The following SIAE variants were observed in gnomAD, a reference collection of about 807,000 sequenced individuals.
SIAE encodes the protein sialic acid acetylesterase, also known as sialate O-acetylesterase.
Under a neutral mutation model 52.6 loss-of-function variants are expected in SIAE, and 39 were observed. The ratio of observed to expected loss-of-function variants is 0.74; its 90% CI spans 0.57 to 0.97. The LOEUF (loss-of-function observed/expected upper bound fraction) is 0.97, where lower values mean the gene tolerates loss of function less well. SIAE is among the 50% of genes least tolerant of loss of function. SIAE has a pLI of 0.00. For missense variants in SIAE, 592 were observed against 662.1 expected (o/e 0.89, Z 1.16); for synonymous variants, 233 against 241.4 (o/e 0.97, Z 0.32).
intron 2 of SIAE, among the ~76,000 whole-genome samples, chr11:124,667,492 G>A (rs1320742115): frequency 2.6e-5 from 4 of 152,324 alleles, no homozygotes; most frequent in Non-Finnish European, 5.9e-5. Context: ...GAATTTTGAA[G>A]AGACTGCATC....
chr11:124,654,685 C>T lies in SIAE; in HGVS notation c.514G>A (p.Val172Ile). 1 of 1,614,196 alleles carries T rather than the reference C, an allele frequency of 6.2e-7. No individual in the cohort carries two copies. Among genetic ancestry groups the T allele is most frequent in the Non-Finnish European group, 8.5e-7 (1 of 1,180,026 alleles). The change falls in exon 4 of 10, where the codon GTT (valine) becomes ATT (isoleucine). Residue 172 changes from valine to isoleucine, a missense_variant. Transcript: ENST00000263593. ...AEQELEDLVA[V>I]DLQWSKPTSE... ...GTGGGCTTAGACCACTGCAAGTCAA[C>T]CGCAACAAGGTCCTCCAGCTCCTGC...
chr11:124,647,227 T>C (rs1015586985), intron 7 of SIAE, 138 bp downstream of exon 7: 1 of 1,170,510 alleles, frequency 8.5e-7, no homozygotes, highest in Non-Finnish European at 1.2e-6. Flanking sequence ...ACCAGCACAT[T>C]ATGAGGACAA....
chr11:124,660,492 C>T (rs1943170060), intron 3 of SIAE, 136 bp downstream of exon 3: 3 of 816,212 alleles, frequency 3.7e-6, no homozygotes, highest in Non-Finnish European at 6.3e-6. Context: ...TCATTCAAAG[C>T]ATTTAGAACA....
At chr11:124,639,918 A>T (rs1351991706) in intron 7 of SIAE, 51 bp from the exon 8 acceptor site, 1 of 1,601,548 alleles carries the variant, frequency 6.2e-7, no homozygotes, top group South Asian at 1.1e-5. Context: ...CCCACACTGG[A>T]GTCTTTTTCA....
chr11:124,650,986 A>G (rs909223614), intron 4 of SIAE, among the ~76,000 whole-genome samples: 4 of 152,172 alleles, frequency 2.6e-5, no homozygotes, highest in Non-Finnish European at 1.5e-5. Flanking sequence ...ATTTCATGTT[A>G]GAAGAAAGCT....
At chr11:124,647,579 G>A (rs1942958403) in intron 6 of SIAE, 81 bp from the exon 7 acceptor site, 3 of 1,537,718 alleles carry the variant, frequency 2.0e-6, no homozygotes, top group Non-Finnish European at 8.9e-7. Flanking sequence ...CTCCATCCAT[G>A]CCCTGAGGTA....
upstream of SIAE, chr11:124,673,930 G>A (rs1943418509): frequency 1.0e-5 from 6 of 585,598 alleles, no homozygotes; most frequent in African/African-American, 1.9e-5. Context: ...GGAACCGGCG[G>A]CACCAGCTCG....
In SIAE at chr11:124,636,652, T is replaced by TA. The variant is rs1475098188; in HGVS notation, c.*298dup. 5 of 417,822 alleles carry TA rather than the reference T, an allele frequency of 1.2e-5. No individual in the cohort carries two copies. The highest frequency in any genetic ancestry group is 8.1e-5 in the African/African-American group (4 of 49,470). 25.9% of individuals were successfully genotyped at this position (417,822 alleles called of 1,614,324 possible). On this transcript the variant is annotated 3_prime_UTR_variant, in exon 10 of 10. Transcript: ENST00000263593. ...TCTGGATAAAAAGGGGCAAAAGTAT[T>TA]AGACATTTCACTCCCATTAATATGA...
At chr11:124,654,551 G>T in intron 4 of SIAE, 104 bp downstream of exon 4, 1 of 1,607,018 alleles carries the variant, frequency 6.2e-7, no homozygotes, top group Non-Finnish European at 8.5e-7. Context: ...TAAAAGGCAT[G>T]AGTAATAATA....
chr11:124,668,633 C>T (rs149574585), intron 2 of SIAE, among the ~76,000 whole-genome samples: 58 of 152,320 alleles, frequency 3.8e-4, no homozygotes, highest in Admixed American at 7.2e-4. Context: ...GGTATCATGA[C>T]GATCTCCATT....
rs766691334 is a variant in SIAE at position 124,644,351 on chromosome 11, G to GAAAAAAA, written c.966+3013_966+3014insTTTTTTT. 1.0e-3 allele frequency among the ~76,000 whole-genome samples: 101 copies of GAAAAAAA among 98,942 alleles called. 2 individuals carry two copies. The highest frequency in any genetic ancestry group is 1.5e-3 in the South Asian group (4 of 2,724). The allele number at this position is 98,942 out of a possible 152,430, so 64.9% of individuals were successfully genotyped here. On this transcript the variant is annotated intron_variant, in intron 7 of 9. Transcript: ENST00000263593. ...AACGCCACAGGAAAGAGTCTGTGGT[G>GAAAAAAA]AGAAAAAAAAAAAAAAAAAAAAACT...
At chr11:124,644,834 C>CT (rs2134360377) in intron 7 of SIAE, among the ~76,000 whole-genome samples, 1 of 152,306 alleles carries the variant, frequency 6.6e-6, no homozygotes, top group African/African-American at 2.4e-5. Flanking sequence ...CCTGGTCTCT[C>CT]CGTGGAACTC....
chr11:124,666,837 C>A lies in SIAE; in HGVS notation c.229+2523G>T, dbSNP rs560118531. On this transcript the variant is annotated intron_variant, in intron 2 of 9. Transcript: ENST00000263593. ...TAGTAAGCCCTCACTTGGCTTTTAT[C>A]AAATTAAACTCAAGATAAATGAGCA... Among the ~76,000 whole-genome samples, 9 of 152,236 alleles carry A rather than the reference C, an allele frequency of 5.9e-5. 1 individual carries two copies. Among genetic ancestry groups the A allele is most frequent in the Middle Eastern group, 3.4e-3 (1 of 294 alleles).
Position 124,636,600 on chromosome 11 carries a change from C to G in SIAE, c.*351G>C. 3.1e-6 allele frequency: 1 copy of G among 325,830 alleles called. No homozygotes were observed. Among genetic ancestry groups the G allele is most frequent in the Non-Finnish European group, 5.9e-6 (1 of 170,106 alleles). 20.2% of individuals were successfully genotyped at this position (325,830 alleles called of 1,614,324 possible). On this transcript the variant is annotated 3_prime_UTR_variant, in exon 10 of 10. Transcript: ENST00000263593. ...AGCTGGCCTATGTGGCCTTTAAAAT[C>G]TCTTCCAATCCTGAGATTCCCACAA...
At chr11:124,655,419 C>T (rs1943084140) in intron 3 of SIAE, among the ~76,000 whole-genome samples, 1 of 152,206 alleles carries the variant, frequency 6.6e-6, no homozygotes, top group Admixed American at 6.5e-5. Context: ...TCGTGATCCG[C>T]CTGCCTTGGC....
Position 124,638,306 on chromosome 11 carries a change from T to A in SIAE, c.1320+236A>T, listed in dbSNP as rs2156163. Among the ~76,000 whole-genome samples, 1,281 of 152,332 alleles carry A rather than the reference T, an allele frequency of 8.4e-3. 23 individuals carry two copies. In the East Asian group the frequency reaches 0.091, roughly 11 times the overall value. On this transcript the variant is annotated intron_variant, in intron 9 of 9. Coordinates refer to ENST00000263593, the MANE Select transcript of SIAE (RefSeq NM_170601.5). ...AGAAAATGTAAAAGGAAATTAAAAA[T>A]TTTTTAAAGTCCATTTTAATATGGA...
At chr11:124,663,531 G>A (rs1200866973) in intron 2 of SIAE, among the ~76,000 whole-genome samples, 1 of 151,992 alleles carries the variant, frequency 6.6e-6, no homozygotes, top group Non-Finnish European at 1.5e-5. Context: ...CCGAGACTGT[G>A]CCACTGCACT....
intron 7 of SIAE, among the ~76,000 whole-genome samples, chr11:124,640,467 C>A (rs1239343592): frequency 6.6e-6 from 1 of 152,148 alleles, no homozygotes; most frequent in Non-Finnish European, 1.5e-5. Context: ...CCTGGCCAAC[C>A]CAATGAATCA....
chr11:124,638,482 CG>C, intron 9 of SIAE, 59 bp downstream of exon 9: 1 of 1,555,514 alleles, frequency 6.4e-7, no homozygotes, highest in Non-Finnish European at 8.9e-7. Flanking sequence ...GCCTCAAGTG[CG>C]GAGGAAATCT....
Sources: gnomAD v4.1 joint callset for allele counts (sites outside exome capture counted in the v4.1 genomes callset) on GRCh38, gnomAD v4.1.1 for gene constraint, MANE v1.5 for transcripts, NCBI Gene and HGNC (gene_info 2026-07-23, HGNC 2026-07-21) for gene names.